Variants in DPP10 observed in about 807,000 individuals in gnomAD.
The protein encoded by DPP10 is dipeptidyl peptidase like 10.
In DPP10, 33 loss-of-function variants were observed where a neutral mutation model predicts 120.9. That is an observed-to-expected ratio of 0.27 (90% CI 0.21 to 0.37). The LOEUF (loss-of-function observed/expected upper bound fraction) is 0.37. Among genes scored for constraint, DPP10 ranks in the 10% least tolerant of loss-of-function variants. The probability of loss-of-function intolerance (pLI) is 1.00; values close to 1 mark genes in which losing one functional copy is unlikely to be tolerated. For synonymous variants in DPP10, 337 were observed against 326.1 expected (o/e 1.03, Z -0.36); for missense variants, 816 against 942.8 (o/e 0.87, Z 1.76).
chr2:114,984,045 A>G (rs1027638527), intron 1 of DPP10, among the ~76,000 whole-genome samples: 26 of 152,306 alleles, frequency 1.7e-4, no homozygotes, highest in Middle Eastern at 6.8e-3. Flanking sequence ...GGCTGCAGAC[A>G]AAGACAGACC....
chr2:115,630,523 T>G (rs2085764518), intron 5 of DPP10, among the ~76,000 whole-genome samples: 1 of 152,196 alleles, frequency 6.6e-6, no homozygotes, highest in Non-Finnish European at 1.5e-5. Context: ...GCCCTTTCAA[T>G]ATGATATTGG....
intron 3 of DPP10, among the ~76,000 whole-genome samples, chr2:115,346,875 T>C (rs991707654): frequency 3.9e-5 from 6 of 152,326 alleles, no homozygotes; most frequent in Admixed American, 3.9e-4. Flanking sequence ...TTACTCATTA[T>C]GCTTAAGTAT....
chr2:115,279,721 G>T (rs1279068833), intron 1 of DPP10, among the ~76,000 whole-genome samples: 1 of 126,758 alleles, frequency 7.9e-6, no homozygotes, highest in Non-Finnish European at 1.6e-5. Context: ...GAGTGCAGTG[G>T]TGCAATCTTG....
At chr2:115,124,810 C>T (rs1239074802) in intron 1 of DPP10, among the ~76,000 whole-genome samples, 1 of 152,010 alleles carries the variant, frequency 6.6e-6, no homozygotes, top group Non-Finnish European at 1.5e-5. Context: ...TAACGTTTAA[C>T]AAATAGTTAC....
At chr2:114,821,857 C>G (rs956375823) in intron 1 of DPP10, among the ~76,000 whole-genome samples, 1 of 152,198 alleles carries the variant, frequency 6.6e-6, no homozygotes, top group Admixed American at 6.5e-5. Context: ...AAGAAGTTGG[C>G]TCCCACAGCC....
intron 1 of DPP10, among the ~76,000 whole-genome samples, chr2:115,254,946 T>G (rs1169495776): frequency 1.3e-5 from 2 of 152,102 alleles, no homozygotes; most frequent in Admixed American, 6.6e-5. Context: ...GGTGCCCAGT[T>G]CAAGCTGTCA....
chr2:115,649,867 C>G (rs891423089), intron 5 of DPP10, among the ~76,000 whole-genome samples: 1 of 152,096 alleles, frequency 6.6e-6, no homozygotes, highest in Non-Finnish European at 1.5e-5. Flanking sequence ...CAGACATTCT[C>G]TCTACATTTA....
At chr2:115,309,634 G>A (rs1440528146) in intron 2 of DPP10, among the ~76,000 whole-genome samples, 1 of 152,066 alleles carries the variant, frequency 6.6e-6, no homozygotes, top group Non-Finnish European at 1.5e-5. Flanking sequence ...CTTACTATGT[G>A]TTAGTTTGAT....
At chr2:115,840,258 G>GTTTTACC (rs1319719222) in intron 24 of DPP10, among the ~76,000 whole-genome samples, 2 of 133,704 alleles carry the variant, frequency 1.5e-5, no homozygotes, top group Non-Finnish European at 1.6e-5. Flanking sequence ...GAAGCTCAAA[G>GTTTTACC]TTTTACCATT....
Position 115,360,509 on chromosome 2 carries a change from A to G in DPP10, c.271+16597A>G, listed in dbSNP as rs1014441662. Among the ~76,000 whole-genome samples the G allele has an allele frequency of 3.9e-5, 6 of 152,318 alleles. No individual in the cohort carries two copies. The East Asian group carries it at 7.7e-4, about 20-fold the overall frequency. ...ATGGCATTTAAGAATAAGAGTCAGC[A>G]GGTATGTTCTTATTCAACTGTGTGC... On this transcript the variant is annotated intron_variant, in intron 3 of 25. Coordinates refer to ENST00000410059, the MANE Select transcript of DPP10 (RefSeq NM_020868.6).
intron 1 of DPP10, among the ~76,000 whole-genome samples, chr2:114,695,003 G>C (rs1447943008): frequency 1.3e-5 from 2 of 152,026 alleles, no homozygotes; most frequent in Admixed American, 1.3e-4. Context: ...AGAAGGGTCA[G>C]CTCACGGAGG....
At chr2:115,684,266 C>T (rs2090844309) in intron 5 of DPP10, among the ~76,000 whole-genome samples, 1 of 151,754 alleles carries the variant, frequency 6.6e-6, no homozygotes, top group African/African-American at 2.4e-5. Flanking sequence ...TTGTGTGAAT[C>T]ATATTACAAC....
At chr2:114,936,425 GTA>G in intron 1 of DPP10, among the ~76,000 whole-genome samples, 1 of 149,674 alleles carries the variant, frequency 6.7e-6, no homozygotes, top group East Asian at 2.0e-4. Context: ...ATATATGTGC[GTA>G]TATATACACA....
At chr2:114,942,350 CAT>C (rs61357971) in intron 1 of DPP10, among the ~76,000 whole-genome samples, 31,969 of 113,044 alleles carry the variant, frequency 0.28, 4,228 homozygotes, top group East Asian at 0.4. Flanking sequence ...CGTATATATA[CAT>C]ATATATATAC....
chr2:115,406,478 G>A (rs2104535566), intron 3 of DPP10, among the ~76,000 whole-genome samples: 1 of 152,198 alleles, frequency 6.6e-6, no homozygotes, highest in Admixed American at 6.5e-5. Flanking sequence ...GGTAAGGGAG[G>A]TGATGGATAT....
intron 1 of DPP10, among the ~76,000 whole-genome samples, chr2:114,477,995 G>A (rs1680669290): frequency 6.6e-6 from 1 of 150,746 alleles, no homozygotes; most frequent in African/African-American, 2.4e-5. Flanking sequence ...ACATATATGT[G>A]TATATATGTA....
chr2:115,546,299 A>C (rs1375460838), intron 5 of DPP10, among the ~76,000 whole-genome samples: 3 of 152,166 alleles, frequency 2.0e-5, no homozygotes, highest in South Asian at 2.1e-4. Flanking sequence ...GTTCTAACCC[A>C]AAATTACGTA....
At position 114,713,716 on chromosome 2, in the gene DPP10, C is replaced by T. The variant is rs187678041; in HGVS notation, c.60+270878C>T. Among the ~76,000 whole-genome samples the T allele has an allele frequency of 5.5e-3, 836 of 152,096 alleles. 12 individuals are homozygous for T. Among genetic ancestry groups the T allele is most frequent in the African/African-American group, 0.018 (763 of 41,492 alleles). On this transcript the variant is annotated intron_variant, in intron 1 of 25. Coordinates refer to ENST00000410059, the MANE Select transcript of DPP10 (RefSeq NM_020868.6). ...TGCTAAAAGTACAAATTTGGCTGGG[C>T]GCAGTGGCTCATGCCTGTAATCCCA... is the stretch of plus-strand genomic sequence containing the variant.
intron 1 of DPP10, among the ~76,000 whole-genome samples, chr2:114,954,374 C>T (rs1194608276): frequency 2.0e-5 from 3 of 152,018 alleles, no homozygotes; most frequent in African/African-American, 4.8e-5. Context: ...TGAGCCACAG[C>T]GCCCGGCCAA....
Sources: gnomAD v4.1 joint callset for allele counts (sites outside exome capture counted in the v4.1 genomes callset) on GRCh38, gnomAD v4.1.1 for gene constraint, MANE v1.5 for transcripts, NCBI Gene and HGNC (gene_info 2026-07-23, HGNC 2026-07-21) for gene names.